SLC4A5: variants seen among roughly 807,000 people sequenced by gnomAD.
SLC4A5 encodes the protein electrogenic sodium bicarbonate cotransporter 4.
In SLC4A5, 96 loss-of-function variants were observed where a neutral mutation model predicts 120.4. The ratio of observed to expected loss-of-function variants is 0.80; its 90% CI spans 0.68 to 0.94. The LOEUF (loss-of-function observed/expected upper bound fraction) is 0.94. Among genes scored for constraint, SLC4A5 ranks in the 40% least tolerant of loss-of-function variants. The pLI is 0.00. For synonymous variants in SLC4A5, 550 were observed against 571.1 expected (o/e 0.96, Z 0.53); for missense variants, 1,259 against 1,459.5 (o/e 0.86, Z 2.24).
chr2:74,322,188 GA>G (rs56951215), intron 5 of SLC4A5, among the ~76,000 whole-genome samples: 419 of 138,104 alleles, frequency 3.0e-3, no homozygotes, highest in Middle Eastern at 0.015. Context: ...CCTGTTATCT[GA>G]AAAAAAAAAA....
intron 5 of SLC4A5, among the ~76,000 whole-genome samples, chr2:74,323,845 G>A (rs1673152224): frequency 6.6e-6 from 1 of 152,182 alleles, no homozygotes; most frequent in Non-Finnish European, 1.5e-5. Context: ...ATATTCACTT[G>A]TAAGTGGCTA....
chr2:74,290,793 T>C (rs925722254), intron 7 of SLC4A5: 2 of 986,840 alleles, frequency 2.0e-6, no homozygotes, highest in Non-Finnish European at 2.4e-6. Context: ...GCTGAGGACC[T>C]GTGAGAGGAC....
chr2:74,296,454 T>G (rs1392904069), intron 7 of SLC4A5, among the ~76,000 whole-genome samples: 3 of 151,718 alleles, frequency 2.0e-5, no homozygotes, highest in Non-Finnish European at 4.4e-5. Flanking sequence ...TTTTAAAGTT[T>G]CAAACCCTAA....
chr2:74,273,450 T>C (rs1478595835), intron 8 of SLC4A5, among the ~76,000 whole-genome samples: 1 of 152,184 alleles, frequency 6.6e-6, no homozygotes, highest in African/African-American at 2.4e-5. Context: ...CAGCTAAAAT[T>C]TGTAAAGTAT....
intron 7 of SLC4A5, among the ~76,000 whole-genome samples, chr2:74,297,663 T>C (rs1040165185): frequency 1.1e-4 from 17 of 152,224 alleles, no homozygotes; most frequent in Non-Finnish European, 1.8e-4. Flanking sequence ...ACACATTTTT[T>C]CCCCCCAGGG....
At chr2:74,264,591 C>A (rs1162856461) in intron 9 of SLC4A5, among the ~76,000 whole-genome samples, 3 of 151,850 alleles carry the variant, frequency 2.0e-5, no homozygotes, top group Non-Finnish European at 4.4e-5. Flanking sequence ...CCAGGAGGCA[C>A]AAAAGTACTG....
intron 8 of SLC4A5, among the ~76,000 whole-genome samples, chr2:74,275,109 C>A (rs1323267737): frequency 6.6e-6 from 1 of 152,118 alleles, no homozygotes; most frequent in Non-Finnish European, 1.5e-5. Flanking sequence ...TGATGCAGTA[C>A]AGTTTGGGCA....
chr2:74,261,761 T>C (rs1671143811), intron 11 of SLC4A5, among the ~76,000 whole-genome samples: 1 of 152,150 alleles, frequency 6.6e-6, no homozygotes, highest in Admixed American at 6.5e-5. Context: ...CTGACTGAAC[T>C]GAAGGAAAGG....
rs1371500807 is a variant in SLC4A5 at position 74,241,275 on chromosome 2, A to ATTG, written c.2118+718_2118+719insCAA. On this transcript the variant is annotated intron_variant, in intron 20 of 30. Transcript: ENST00000394019. ...TATTATTATTATTATTATTATTATT[A>ATTG]TTATTATTGAGACAGGGTCTCGCTC... Among the ~76,000 whole-genome samples the ATTG allele has an allele frequency of 4.7e-5, 7 of 149,076 alleles. No individual in the cohort carries two copies. The East Asian group carries it at 1.4e-3, about 29-fold the overall frequency.
At chr2:74,305,767 C>T (rs1672624854) in intron 6 of SLC4A5, among the ~76,000 whole-genome samples, 1 of 146,658 alleles carries the variant, frequency 6.8e-6, no homozygotes, top group African/African-American at 2.6e-5. Context: ...CCCTGTCGCC[C>T]AGGCTGGAAT....
At chr2:74,340,304 T>C (rs1673595444) in intron 2 of SLC4A5, among the ~76,000 whole-genome samples, 1 of 152,244 alleles carries the variant, frequency 6.6e-6, no homozygotes, top group African/African-American at 2.4e-5. Flanking sequence ...CTGTGTTGTA[T>C]GAGCAACAAC....
At chr2:74,227,070 G>C (rs775252679) in exon 27 of SLC4A5, 1 of 1,614,168 alleles carries the variant, frequency 6.2e-7, no homozygotes, top group Non-Finnish European at 8.5e-7. Flanking sequence ...ACGTGCCGCA[G>C]GAAGGCATGG....
chr2:74,243,572 G>T (rs1193837447), intron 19 of SLC4A5, among the ~76,000 whole-genome samples: 2 of 152,170 alleles, frequency 1.3e-5, no homozygotes, highest in Non-Finnish European at 2.9e-5. Context: ...ATTAATGATG[G>T]AGACAGAGAA....
intron 4 of SLC4A5, among the ~76,000 whole-genome samples, chr2:74,329,520 C>T (rs1428926813): frequency 2.6e-5 from 4 of 152,060 alleles, no homozygotes; most frequent in Non-Finnish European, 4.4e-5. Context: ...ACCCAGGAGG[C>T]GGAGGTTGCA....
chr2:74,287,449 C>T (rs1672018893), intron 7 of SLC4A5, among the ~76,000 whole-genome samples: 1 of 152,116 alleles, frequency 6.6e-6, no homozygotes, highest in Admixed American at 6.5e-5. Flanking sequence ...AGCAGGACTG[C>T]TGGGAGGAAT....
Position 74,295,317 on chromosome 2 carries a change from A to C in SLC4A5, c.271+9172T>G, listed in dbSNP as rs1672295053. On this transcript the variant is annotated intron_variant, in intron 7 of 30. Transcript: ENST00000394019. ...GGCCAGAGGATTTTTAAGAACAGGGATATCTAATATCTCATTTTAAAAATT... is the reference window on the plus strand; with the variant it reads ...GGCCAGAGGATTTTTAAGAACAGGGCTATCTAATATCTCATTTTAAAAATT... 2.6e-5 allele frequency among the ~76,000 whole-genome samples: 4 copies of C among 152,128 alleles called. No individual in the cohort carries two copies. The South Asian group carries it at 8.3e-4, about 32-fold the overall frequency.
rs536488928 is a variant in SLC4A5 at position 74,269,443 on chromosome 2, G to C, written c.402-4179C>G. ...AGACAGGGTTTCATTATGTTGGTCA[G>C]GCTGGTCTCAAATTCCTGACCTCAG... On this transcript the variant is annotated intron_variant, in intron 8 of 30. Coordinates refer to ENST00000394019, the Ensembl canonical transcript of SLC4A5. Among the ~76,000 whole-genome samples the C allele has an allele frequency of 3.9e-4, 59 of 152,148 alleles. No individual in the cohort carries two copies. In the Middle Eastern group the frequency reaches 0.01, roughly 26 times the overall value.
intron 12 of SLC4A5, among the ~76,000 whole-genome samples, chr2:74,258,268 A>T (rs78445241): frequency 2.2e-4 from 34 of 152,346 alleles, no homozygotes; most frequent in African/African-American, 7.9e-4. Flanking sequence ...CCTGAAGAGC[A>T]CCCAATAGCA....
At chr2:74,285,750 T>C in intron 8 of SLC4A5, 23 bp downstream of exon 8, 1 of 1,605,514 alleles carries the variant, frequency 6.2e-7, no homozygotes, top group Non-Finnish European at 8.5e-7. Context: ...AGTGCCCACC[T>C]CCCTCGTGGG....
Sources: gnomAD v4.1 joint callset for allele counts (sites outside exome capture counted in the v4.1 genomes callset) on GRCh38, gnomAD v4.1.1 for gene constraint, MANE v1.5 for transcripts, NCBI Gene and HGNC (gene_info 2026-07-23, HGNC 2026-07-21) for gene names.